The following LIMS1 variants were observed in gnomAD, a reference collection of about 807,000 sequenced individuals.
The protein encoded by LIMS1 is LIM and senescent cell antigen-like-containing domain protein 1.
LIMS1 carries 18 observed loss-of-function variants against 44.1 expected under a neutral mutation model. The ratio of observed to expected loss-of-function variants is 0.41; its 90% CI spans 0.28 to 0.61. The LOEUF (loss-of-function observed/expected upper bound fraction) is 0.61. LIMS1 is among the 20% of genes least tolerant of loss of function. LIMS1 has a pLI of 0.32. For missense variants in LIMS1, 201 were observed against 422.0 expected (o/e 0.48, Z 4.59); for synonymous variants, 93 against 149.1 (o/e 0.62, Z 2.74).
intron 2 of LIMS1, among the ~76,000 whole-genome samples, chr2:108,666,290 C>G (rs1417523544): frequency 1.3e-5 from 2 of 151,208 alleles, no homozygotes; most frequent in Non-Finnish European, 3.0e-5. Context: ...CTCAGGGAAA[C>G]ACTTTTACTG....
chr2:108,556,883 T>G (rs760975831), intron 1 of LIMS1, among the ~76,000 whole-genome samples: 1 of 152,234 alleles, frequency 6.6e-6, no homozygotes, highest in Non-Finnish European at 1.5e-5. Context: ...AATCGTTACC[T>G]ACTCCTCCCT....
At chr2:108,625,330 G>A (rs1016375381) in intron 1 of LIMS1, among the ~76,000 whole-genome samples, 1 of 152,138 alleles carries the variant, frequency 6.6e-6, no homozygotes, top group East Asian at 1.9e-4. Flanking sequence ...TTTCTGCTAC[G>A]CTGGCAAAGT....
intron 1 of LIMS1, among the ~76,000 whole-genome samples, chr2:108,641,034 A>G (rs1355604884): frequency 3.9e-5 from 6 of 152,150 alleles, no homozygotes; most frequent in East Asian, 3.8e-4. Context: ...AACATCTGGC[A>G]TGTGTCTTTC....
At chr2:108,576,862 A>T (rs1685689004) in intron 1 of LIMS1, among the ~76,000 whole-genome samples, 1 of 152,138 alleles carries the variant, frequency 6.6e-6, no homozygotes, top group Non-Finnish European at 1.5e-5. Context: ...ATATCCTAAA[A>T]AGAGGTACAG....
At chr2:108,611,994 TTATA>T (rs1208919443) in intron 1 of LIMS1, among the ~76,000 whole-genome samples, 1 of 141,298 alleles carries the variant, frequency 7.1e-6, no homozygotes, top group Non-Finnish European at 1.5e-5. Flanking sequence ...TATACATATA[TTATA>T]TATACACACA....
intron 1 of LIMS1, among the ~76,000 whole-genome samples, chr2:108,609,938 C>T (rs1687498156): frequency 6.6e-6 from 1 of 151,972 alleles, no homozygotes; most frequent in Admixed American, 6.6e-5. Context: ...GTCAGGAGGT[C>T]AAGACTATCC....
intron 1 of LIMS1, among the ~76,000 whole-genome samples, chr2:108,629,568 G>A (rs1688778069): frequency 6.6e-6 from 1 of 152,200 alleles, no homozygotes. Flanking sequence ...AAAGGTGTGG[G>A]TGGTTACTGT....
chr2:108,541,013 A>G (rs1684298311), intron 1 of LIMS1, among the ~76,000 whole-genome samples: 1 of 152,222 alleles, frequency 6.6e-6, no homozygotes, highest in African/African-American at 2.4e-5. Context: ...TGAATGAATT[A>G]TGGATATTGG....
intron 1 of LIMS1, among the ~76,000 whole-genome samples, chr2:108,617,523 G>T (rs1247344737): frequency 6.6e-6 from 1 of 152,160 alleles, no homozygotes; most frequent in East Asian, 1.9e-4. Context: ...AAACTCTGGA[G>T]ATTTCTTCTC....
At chr2:108,657,751 C>G (rs1378365834) in intron 1 of LIMS1, 6 of 152,410 alleles carry the variant, frequency 3.9e-5, no homozygotes, top group Non-Finnish European at 8.8e-5. Context: ...TTTTTTGTGA[C>G]ATTTTAATTC....
Position 108,607,127 on chromosome 2 carries a change from G to A in LIMS1, c.33-52478G>A, listed in dbSNP as rs1024682280. ...TGAGATTACTGCCCTTATAAAATAG[G>A]CCCAAGGGAGCCTGCTTGCCCCTTC... On this transcript the variant is annotated intron_variant, in intron 1 of 9. Coordinates refer to ENST00000544547, the Ensembl canonical transcript of LIMS1. 3.9e-5 allele frequency: 46 copies of A among 1,178,086 alleles called. No individual in the cohort carries two copies. In the African/African-American group the frequency reaches 6.2e-4, roughly 16 times the overall value. 73.0% of individuals were successfully genotyped at this position (1,178,086 alleles called of 1,614,324 possible).
At chr2:108,599,883 G>C (rs546973963) in intron 1 of LIMS1, among the ~76,000 whole-genome samples, 18 of 151,688 alleles carry the variant, frequency 1.2e-4, no homozygotes, top group African/African-American at 3.1e-4. Context: ...TATTATATTT[G>C]ATTTTTTTAC....
intron 1 of LIMS1, among the ~76,000 whole-genome samples, chr2:108,623,355 A>T (rs988131739): frequency 6.6e-6 from 1 of 152,136 alleles, no homozygotes; most frequent in Non-Finnish European, 1.5e-5. Context: ...CCAGAGTTTC[A>T]GTACCACTCA....
chr2:108,535,519 GTTACC>G (rs1684103074), intron 1 of LIMS1, among the ~76,000 whole-genome samples: 1 of 152,182 alleles, frequency 6.6e-6, no homozygotes. Context: ...GAATGCAGCT[GTTACC>G]CATTGTAACA....
rs199570224 is a variant in LIMS1 at position 108,660,201 on chromosome 2, C to G, written c.192+437C>G. On this transcript the variant is annotated intron_variant, in intron 2 of 9. Transcript: ENST00000544547. ...GGAGAGCGTGTGGTGTACGTCACCC[C>G]CTCCACAACTTCCCAGCCTCGAGCC... is the stretch of plus-strand genomic sequence containing the variant. 10 of 477,732 alleles carry G rather than the reference C, an allele frequency of 2.1e-5. No homozygotes were observed. In the East Asian group the frequency reaches 2.7e-4, roughly 13 times the overall value. 29.6% of individuals were successfully genotyped at this position (477,732 alleles called of 1,614,324 possible).
At chr2:108,577,967 T>C (rs906639971) in intron 1 of LIMS1, among the ~76,000 whole-genome samples, 6 of 152,238 alleles carry the variant, frequency 3.9e-5, no homozygotes, top group African/African-American at 1.4e-4. Flanking sequence ...TAGAGTGCAG[T>C]GGCACAGTCT....
At chr2:108,651,138 A>G (rs999283275) in intron 1 of LIMS1, among the ~76,000 whole-genome samples, 5 of 152,142 alleles carry the variant, frequency 3.3e-5, no homozygotes, top group African/African-American at 4.8e-5. Flanking sequence ...TACTCCCACC[A>G]TTGCAGTGGA....
At chr2:108,551,489 G>GCGCA (rs1553450732) in intron 1 of LIMS1, among the ~76,000 whole-genome samples, 3 of 111,976 alleles carry the variant, frequency 2.7e-5, no homozygotes, top group African/African-American at 7.0e-5. Context: ...ATGCGCGCGC[G>GCGCA]CGCACACACA....
intron 1 of LIMS1, among the ~76,000 whole-genome samples, chr2:108,556,537 G>C (rs187513060): frequency 2.8e-4 from 42 of 152,310 alleles, no homozygotes; most frequent in Non-Finnish European, 5.3e-4. Flanking sequence ...CTGTCAAACT[G>C]TTGAAAAGTT....
Sources: allele counts gnomAD v4.1 joint callset (sites outside exome capture counted in the v4.1 genomes callset), GRCh38; gene constraint gnomAD v4.1.1; transcripts MANE v1.5; gene names NCBI Gene and HGNC (gene_info 2026-07-23, HGNC 2026-07-21).